MAPKAP1: variants seen among roughly 807,000 people sequenced by gnomAD.
MAPKAP1 encodes the protein target of rapamycin complex 2 subunit MAPKAP1.
Under a neutral mutation model 65.7 loss-of-function variants are expected in MAPKAP1, and 20 were observed. The observed-to-expected ratio is 0.30, with a 90% CI of 0.21 to 0.44. The LOEUF (loss-of-function observed/expected upper bound fraction) is 0.44, where lower values mean the gene tolerates loss of function less well. Ranked by LOEUF, MAPKAP1 falls within the 20% of genes least tolerant of loss-of-function variation. The pLI is 1.00. For synonymous variants in MAPKAP1, 222 were observed against 244.3 expected, an observed-to-expected ratio of 0.91 and a Z score of 0.85; for missense variants, 423 against 648.0, an observed-to-expected ratio of 0.65 and a Z score of 3.77.
rs373463480 is a variant in MAPKAP1, at chr9:125,558,029, G to C, written c.848+1604C>G. Among the ~76,000 whole-genome samples the C allele has an allele frequency of 2.5e-4, 38 of 152,212 alleles. No homozygotes were observed. In the East Asian group the frequency reaches 7.2e-3, roughly 29 times the overall value. Reference sequence around the variant, plus strand: ...CCACCACTGCATCCGGTTAATTTTTGTATTTTTAGTAGAGACGGGGTTTCA... The same window carrying C: ...CCACCACTGCATCCGGTTAATTTTTCTATTTTTAGTAGAGACGGGGTTTCA... On this transcript the variant is annotated intron_variant, in intron 6 of 11. Transcript: ENST00000265960.
At chr9:125,643,383 T>C (rs751017327) in intron 4 of MAPKAP1, among the ~76,000 whole-genome samples, 1 of 149,176 alleles carries the variant, frequency 6.7e-6, no homozygotes, top group African/African-American at 2.5e-5. Flanking sequence ...TTGGTAGAGA[T>C]GGGGTTTCAC....
Position 125,595,493 on chromosome 9 carries a change from A to C in MAPKAP1, c.499-9766T>G, listed in dbSNP as rs1165493874. 7 of 1,065,004 alleles carry C rather than the reference A, an allele frequency of 6.6e-6. No individual in the cohort carries two copies. Among genetic ancestry groups the C allele is most frequent in the Non-Finnish European group, 8.0e-6 (7 of 873,994 alleles). 66.0% of individuals were successfully genotyped at this position (1,065,004 alleles called of 1,614,324 possible). A position where few individuals can be genotyped will look rare whatever the true frequency, so the allele number is the denominator to read the frequency against. On this transcript the variant is annotated intron_variant, in intron 4 of 11. Coordinates refer to ENST00000265960, the MANE Select transcript of MAPKAP1 (RefSeq NM_001006617.3). The surrounding 1 kb of genome is among the most constrained non-coding windows in gnomAD (Gnocchi z 4.0). The stretch of plus-strand genomic sequence containing the variant: ...ACATTAGCTGCTTATCATAAAATTA[A>C]TTTCAAAATCATATACCTGATAGTT...
chr9:125,517,612 A>G (rs905387186), intron 7 of MAPKAP1, among the ~76,000 whole-genome samples: 3 of 152,202 alleles, frequency 2.0e-5, no homozygotes, highest in African/African-American at 7.2e-5. Context: ...TCCAACCATC[A>G]ATCAGAAAGT....
In MAPKAP1 at chr9:125,464,789, T is replaced by C. The variant is rs1853619420; in HGVS notation, c.1345+3183A>G. ...ATGTATTTCCCTGCAGCCGCTCAAATGCTCAGTCTCTTTGCCAAGTCAGCT... is the reference window on the plus strand; with the variant it reads ...ATGTATTTCCCTGCAGCCGCTCAAACGCTCAGTCTCTTTGCCAAGTCAGCT... On this transcript the variant is annotated intron_variant, in intron 10 of 11. Coordinates refer to ENST00000265960, the MANE Select transcript of MAPKAP1 (RefSeq NM_001006617.3). Among the ~76,000 whole-genome samples, 4 of 152,238 alleles carry C rather than the reference T, an allele frequency of 2.6e-5. 1 individual carries two copies. The highest frequency in any genetic ancestry group is 2.6e-4 in the Admixed American group (4 of 15,284).
rs146301137 is a variant in MAPKAP1 at position 125,545,988 on chromosome 9, G to A, written c.849-2820C>T. Reference sequence around the variant, plus strand: ...GTATCACCATGCTACACCTGCGGACGCTTCCGAGCGGCTGCCATGTCTGTG... The same window carrying A: ...GTATCACCATGCTACACCTGCGGACACTTCCGAGCGGCTGCCATGTCTGTG... On this transcript the variant is annotated intron_variant, in intron 6 of 11. Transcript: ENST00000265960. Among the ~76,000 whole-genome samples the A allele has an allele frequency of 5.9e-3, 905 of 152,288 alleles. 13 individuals carry two copies. The highest frequency in any genetic ancestry group is 0.021 in the African/African-American group (884 of 41,558).
intron 10 of MAPKAP1, among the ~76,000 whole-genome samples, chr9:125,452,573 T>C (rs1262783182): frequency 1.3e-5 from 2 of 152,152 alleles, no homozygotes; most frequent in African/African-American, 2.4e-5. Context: ...TTAAACACTA[T>C]TGAGGAGTCC....
chr9:125,662,006 GAACAA>G (rs1163909831), intron 3 of MAPKAP1, among the ~76,000 whole-genome samples: 1 of 152,038 alleles, frequency 6.6e-6, no homozygotes, highest in Non-Finnish European at 1.5e-5. Flanking sequence ...ATCCAAACAT[GAACAA>G]AACAATAGAG....
At chr9:125,685,992 AC>A (rs1834962569) in intron 1 of MAPKAP1, among the ~76,000 whole-genome samples, 2 of 152,196 alleles carry the variant, frequency 1.3e-5, no homozygotes, top group Non-Finnish European at 2.9e-5. Context: ...TAATGTTTCC[AC>A]TTACCTGGTC....
chr9:125,666,802 A>C (rs1834351937), intron 3 of MAPKAP1, among the ~76,000 whole-genome samples: 1 of 152,226 alleles, frequency 6.6e-6, no homozygotes, highest in African/African-American at 2.4e-5. Context: ...CCACTTTTCT[A>C]GCATGCTTCA....
intron 7 of MAPKAP1, among the ~76,000 whole-genome samples, chr9:125,511,633 T>C (rs1053448837): frequency 7.2e-5 from 11 of 152,170 alleles, no homozygotes; most frequent in African/African-American, 2.2e-4. Flanking sequence ...AAAATAAAAA[T>C]AGCATCCAAA....
At chr9:125,449,686 T>C (rs2132940359) in intron 10 of MAPKAP1, among the ~76,000 whole-genome samples, 2 of 152,248 alleles carry the variant, frequency 1.3e-5, no homozygotes, top group South Asian at 4.2e-4. Flanking sequence ...GACGTCCAGC[T>C]TTTGTGCTTT....
intron 6 of MAPKAP1, among the ~76,000 whole-genome samples, chr9:125,549,516 C>A (rs1033339028): frequency 6.6e-6 from 1 of 152,142 alleles, no homozygotes; most frequent in South Asian, 2.1e-4. Flanking sequence ...TTAGACTGAC[C>A]AAAAATTTTT....
At chr9:125,444,773 T>C (rs1852638520) in intron 10 of MAPKAP1, among the ~76,000 whole-genome samples, 175 bp from the exon 11 acceptor site, 1 of 151,954 alleles carries the variant, frequency 6.6e-6, no homozygotes, top group Non-Finnish European at 1.5e-5. Context: ...AAATGGACAA[T>C]GAAAAAATTT....
At chr9:125,532,860 T>C (rs1051017863) in intron 7 of MAPKAP1, among the ~76,000 whole-genome samples, 1 of 152,230 alleles carries the variant, frequency 6.6e-6, no homozygotes, top group African/African-American at 2.4e-5. Context: ...ACTAAAGTAT[T>C]TAATAAACAT....
At chr9:125,696,883 A>T (rs1169934926) in intron 1 of MAPKAP1, among the ~76,000 whole-genome samples, 2 of 141,520 alleles carry the variant, frequency 1.4e-5, no homozygotes, top group Non-Finnish European at 3.0e-5. Context: ...AACACACATA[A>T]TTTTCCATAC....
rs1193813403 is a variant in MAPKAP1, at chr9:125,584,690, G to A, written c.671+865C>T. 2.0e-4 allele frequency among the ~76,000 whole-genome samples: 31 copies of A among 152,084 alleles called. 1 individual carries two copies. Among genetic ancestry groups the A allele is most frequent in the Admixed American group, 1.9e-3 (29 of 15,268 alleles). ...GATCCGCCCACCTCAGCCTTCCAACGTGCTGGGATTACAGGTGTGAGCCCC... is the reference window on the plus strand; with the variant it reads ...GATCCGCCCACCTCAGCCTTCCAACATGCTGGGATTACAGGTGTGAGCCCC... On this transcript the variant is annotated intron_variant, in intron 5 of 11. Coordinates refer to ENST00000265960, the MANE Select transcript of MAPKAP1 (RefSeq NM_001006617.3).
intron 1 of MAPKAP1, among the ~76,000 whole-genome samples, chr9:125,690,857 AC>A (rs1167413125): frequency 6.6e-6 from 1 of 152,220 alleles, no homozygotes; most frequent in Non-Finnish European, 1.5e-5. Flanking sequence ...CTTCCTCAAA[AC>A]AGAAGACTAG....
intron 6 of MAPKAP1, among the ~76,000 whole-genome samples, chr9:125,547,098 AT>A (rs772782611): frequency 1.2e-4 from 19 of 152,260 alleles, no homozygotes; most frequent in East Asian, 1.2e-3. Flanking sequence ...ATGTATGGGC[AT>A]TTTAAAAAGA....
rs145286788 is a variant in MAPKAP1, at chr9:125,671,972, G to A, written c.259+344C>T. Among the ~76,000 whole-genome samples, 14 of 152,222 alleles carry A rather than the reference G, an allele frequency of 9.2e-5. No homozygotes were observed. The East Asian group carries it at 1.2e-3, about 13-fold the overall frequency. On this transcript the variant is annotated intron_variant, in intron 2 of 11. Transcript: ENST00000265960. The stretch of plus-strand genomic sequence containing the variant: ...TTATGTCAACCTGAAATCTGTCTCC[G>A]GGTAGTCTACCTACTGGGACTAATG...
Sources: gnomAD v4.1 joint callset for allele counts (sites outside exome capture counted in the v4.1 genomes callset) on GRCh38, gnomAD v4.1.1 for gene constraint, Gnocchi (gnomAD v3.1) non-coding constraint, MANE v1.5 for transcripts, NCBI Gene and HGNC (gene_info 2026-07-23, HGNC 2026-07-21) for gene names.